SLIT2: variants seen among roughly 807,000 people sequenced by gnomAD.
SLIT2 encodes the protein slit homolog 2 protein.
Under a neutral mutation model 185.7 loss-of-function variants are expected in SLIT2, and 41 were observed. The ratio of observed to expected loss-of-function variants is 0.22; its 90% CI spans 0.17 to 0.29. The LOEUF (loss-of-function observed/expected upper bound fraction) is 0.29, where lower values mean the gene tolerates loss of function less well. Among genes scored for constraint, SLIT2 ranks in the 10% least tolerant of loss-of-function variants. The probability of loss-of-function intolerance (pLI) is 1.00; values close to 1 mark genes in which losing one functional copy is unlikely to be tolerated. For missense variants in SLIT2, 1,571 were observed against 1,909.0 expected (o/e 0.82, Z 3.30); for synonymous variants, 693 against 680.2 (o/e 1.02, Z -0.29).
At chr4:20,473,297 G>T (rs1192618373) in intron 5 of SLIT2, among the ~76,000 whole-genome samples, 1 of 151,694 alleles carries the variant, frequency 6.6e-6, no homozygotes, top group Non-Finnish European at 1.5e-5. Context: ...ATGCTTCTTG[G>T]TTAAAAAATA....
At chr4:20,546,427 A>C (rs1317700515) in intron 22 of SLIT2, among the ~76,000 whole-genome samples, 2 of 152,168 alleles carry the variant, frequency 1.3e-5, no homozygotes, top group African/African-American at 4.8e-5. Flanking sequence ...CTAAGGAAGG[A>C]AAGATAGAAA....
At chr4:20,456,480 C>G (rs963256224) in intron 4 of SLIT2, among the ~76,000 whole-genome samples, 3 of 152,082 alleles carry the variant, frequency 2.0e-5, no homozygotes, top group Non-Finnish European at 2.9e-5. Flanking sequence ...TTGCATGCCA[C>G]CTCACTCTTG....
chr4:20,366,049 C>T (rs1250508563), intron 4 of SLIT2, among the ~76,000 whole-genome samples: 4 of 152,052 alleles, frequency 2.6e-5, no homozygotes, highest in Non-Finnish European at 5.9e-5. Flanking sequence ...ACATGGAAGT[C>T]CAGGGAATCG....
intron 4 of SLIT2, among the ~76,000 whole-genome samples, chr4:20,278,865 T>A (rs1714446483): frequency 6.6e-6 from 1 of 151,894 alleles, no homozygotes; most frequent in South Asian, 2.1e-4. Context: ...GCATACTGAG[T>A]GCTTAAGAAA....
In SLIT2 at chr4:20,404,003, A is replaced by T. The variant is rs554237856; in HGVS notation, c.396-63749A>T. ...AAATGTCAACTTTGCCTCAATAAAG[A>T]TGAATTATTTATCTACAGCAGTGTC... On this transcript the variant is annotated intron_variant, in intron 4 of 36. Transcript: ENST00000504154. Among the ~76,000 whole-genome samples, 625 of 152,076 alleles carry T rather than the reference A, an allele frequency of 4.1e-3. 4 individuals are homozygous for T. The highest frequency in any genetic ancestry group is 0.014 in the African/African-American group (600 of 41,522).
chr4:20,596,972 G>A (rs1728030943), intron 32 of SLIT2, among the ~76,000 whole-genome samples: 1 of 151,956 alleles, frequency 6.6e-6, no homozygotes, highest in African/African-American at 2.4e-5. Flanking sequence ...GCCTCTGCAT[G>A]GGGGAGGCTT....
intron 4 of SLIT2, among the ~76,000 whole-genome samples, chr4:20,292,926 G>T (rs1040510202): frequency 3.9e-5 from 6 of 152,188 alleles, no homozygotes; most frequent in Admixed American, 6.5e-5. Context: ...TTTGCAACAT[G>T]TGGGTCCCAC....
intron 29 of SLIT2, among the ~76,000 whole-genome samples, chr4:20,577,479 A>G (rs905256485): frequency 6.6e-6 from 1 of 152,140 alleles, no homozygotes; most frequent in Admixed American, 6.5e-5. Context: ...TTTTGCACCT[A>G]TTGCACACAA....
chr4:20,291,647 C>T (rs1194005789), intron 4 of SLIT2, among the ~76,000 whole-genome samples: 1 of 150,464 alleles, frequency 6.6e-6, no homozygotes, highest in Non-Finnish European at 1.5e-5. Context: ...AAAAATGTAT[C>T]GTATATTGGT....
At chr4:20,304,236 C>A (rs1196991129) in intron 4 of SLIT2, among the ~76,000 whole-genome samples, 1 of 151,908 alleles carries the variant, frequency 6.6e-6, no homozygotes, top group African/African-American at 2.4e-5. Flanking sequence ...TCCCCCTACT[C>A]TTAATTAAAA....
intron 4 of SLIT2, among the ~76,000 whole-genome samples, chr4:20,318,540 C>T (rs902548110): frequency 3.3e-5 from 5 of 152,144 alleles, no homozygotes; most frequent in East Asian, 1.9e-4. Context: ...GAAGGGGCTT[C>T]GGCTGCTGTT....
At chr4:20,288,166 C>T (rs184156348) in intron 4 of SLIT2, among the ~76,000 whole-genome samples, 14 of 152,196 alleles carry the variant, frequency 9.2e-5, no homozygotes, top group Non-Finnish European at 1.5e-4. Context: ...TGTAATTTAT[C>T]TGGGAATTTA....
intron 12 of SLIT2, among the ~76,000 whole-genome samples, chr4:20,521,684 G>C (rs549736699): frequency 6.6e-6 from 1 of 152,028 alleles, no homozygotes; most frequent in Admixed American, 6.6e-5. Flanking sequence ...CTTTTAAGAA[G>C]GTATTACATA....
chr4:20,483,821 A>T (rs1393290936), intron 6 of SLIT2, among the ~76,000 whole-genome samples: 2 of 152,138 alleles, frequency 1.3e-5, no homozygotes, highest in African/African-American at 4.8e-5. Context: ...ACAACTAAAT[A>T]ATTACAATAT....
chr4:20,334,096 C>A (rs1225445183), intron 4 of SLIT2, among the ~76,000 whole-genome samples: 2 of 152,076 alleles, frequency 1.3e-5, no homozygotes, highest in African/African-American at 4.8e-5. Context: ...TACTTTAGAT[C>A]ATTTTTAAAA....
At chr4:20,509,435 C>G (rs927916085) in intron 9 of SLIT2, among the ~76,000 whole-genome samples, 6 of 151,920 alleles carry the variant, frequency 3.9e-5, no homozygotes, top group African/African-American at 1.5e-4. Context: ...GAGATGAGAC[C>G]ACTGCTGTGG....
At chr4:20,596,870 G>T (rs970812055) in intron 32 of SLIT2, among the ~76,000 whole-genome samples, 1 of 125,024 alleles carries the variant, frequency 8.0e-6, no homozygotes, top group Non-Finnish European at 1.6e-5. Context: ...TTCATTACTT[G>T]ATAAGCAGAC....
chr4:20,456,624 C>T (rs1233019917), intron 4 of SLIT2, among the ~76,000 whole-genome samples: 1 of 152,118 alleles, frequency 6.6e-6, no homozygotes, highest in Non-Finnish European at 1.5e-5. Flanking sequence ...AATAGGATCA[C>T]ATTTTTTATG....
chr4:20,397,225 C>T (rs1243905489), intron 4 of SLIT2, among the ~76,000 whole-genome samples: 1 of 151,734 alleles, frequency 6.6e-6, no homozygotes, highest in Non-Finnish European at 1.5e-5. Context: ...TGCTCTTGTG[C>T]AGGGACCTAC....
Sources: gnomAD v4.1 joint callset for allele counts (sites outside exome capture counted in the v4.1 genomes callset) on GRCh38, gnomAD v4.1.1 for gene constraint, MANE v1.5 for transcripts, NCBI Gene and HGNC (gene_info 2026-07-23, HGNC 2026-07-21) for gene names.